The following FARS2 variants were observed in gnomAD, a reference collection of about 807,000 sequenced individuals.
FARS2 encodes the protein phenylalanine--tRNA ligase, mitochondrial.
Under a neutral mutation model 46.4 loss-of-function variants are expected in FARS2, and 40 were observed. That is an observed-to-expected ratio of 0.86 (90% CI 0.67 to 1.12). The LOEUF is 1.12. Ranked by LOEUF, FARS2 falls within the 50% of genes most tolerant of loss-of-function variation. The pLI is 0.00. For missense variants in FARS2, 513 were observed against 567.9 expected, an observed-to-expected ratio of 0.90 and a Z score of 0.98; for synonymous variants, 234 against 214.9, an observed-to-expected ratio of 1.09 and a Z score of -0.78.
intron 6 of FARS2, among the ~76,000 whole-genome samples, chr6:5,623,791 T>G (rs1775899305): frequency 6.6e-6 from 1 of 152,014 alleles, no homozygotes; most frequent in African/African-American, 2.4e-5. Flanking sequence ...CCAGTCTGGG[T>G]GTTCTCTGGG....
At chr6:5,748,511 A>G (rs1761764082) in intron 6 of FARS2, among the ~76,000 whole-genome samples, 3 of 152,244 alleles carry the variant, frequency 2.0e-5, no homozygotes, top group East Asian at 1.9e-4. Context: ...GCCACGGGCA[A>G]CAATCAGGGA....
chr6:5,360,092 A>G (rs1758204685), intron 1 of FARS2, among the ~76,000 whole-genome samples: 1 of 152,250 alleles, frequency 6.6e-6, no homozygotes, highest in South Asian at 2.1e-4. Context: ...GAAACTCAGG[A>G]AAAGGGTGTG....
At chr6:5,649,967 A>G (rs1777267013) in intron 6 of FARS2, among the ~76,000 whole-genome samples, 1 of 152,182 alleles carries the variant, frequency 6.6e-6, no homozygotes, top group South Asian at 2.1e-4. Context: ...TAGATTTCCT[A>G]CAGGTACTTT....
intron 3 of FARS2, 88 bp downstream of exon 3, chr6:5,404,789 A>G: frequency 1.3e-6 from 1 of 786,930 alleles, no homozygotes; most frequent in Non-Finnish European, 1.8e-6. Context: ...TTTTTTTTTC[A>G]TATTTTGAAA....
intron 4 of FARS2, among the ~76,000 whole-genome samples, chr6:5,541,146 A>G (rs767553833): frequency 2.0e-5 from 3 of 152,180 alleles, no homozygotes; most frequent in Non-Finnish European, 4.4e-5. Context: ...GGCATGTTCT[A>G]TATCATTTAA....
intron 1 of FARS2, among the ~76,000 whole-genome samples, chr6:5,301,496 T>C (rs766999532): frequency 6.0e-4 from 92 of 152,152 alleles, no homozygotes; most frequent in South Asian, 2.1e-4. Context: ...AAGTTCTCTT[T>C]CAAAGCCTAG....
intron 6 of FARS2, among the ~76,000 whole-genome samples, chr6:5,746,057 C>T (rs1761616076): frequency 6.6e-6 from 1 of 152,190 alleles, no homozygotes; most frequent in African/African-American, 2.4e-5. Context: ...TCTTTAGAGT[C>T]TTCAATTAAA....
chr6:5,526,554 C>T (rs191669863), intron 4 of FARS2, among the ~76,000 whole-genome samples: 1 of 152,234 alleles, frequency 6.6e-6, no homozygotes, highest in Admixed American at 6.5e-5. Context: ...TTTTGGAAAG[C>T]AATTTTTCTA....
chr6:5,455,192 C>T (rs1383364778), intron 4 of FARS2, among the ~76,000 whole-genome samples: 1 of 152,162 alleles, frequency 6.6e-6, no homozygotes, highest in Non-Finnish European at 1.5e-5. Flanking sequence ...TTATTTGTTT[C>T]TTACCCTGCA....
At chr6:5,460,227 GACTCTCAATACATTCACAT>G (rs1162751799) in intron 4 of FARS2, among the ~76,000 whole-genome samples, 2 of 152,122 alleles carry the variant, frequency 1.3e-5, no homozygotes, top group Non-Finnish European at 2.9e-5. Context: ...TGCCTGAACT[GACTCTCAATACATTCACAT>G]ACATCGCTCT....
chr6:5,674,016 C>T (rs1299003344), intron 6 of FARS2, among the ~76,000 whole-genome samples: 2 of 151,828 alleles, frequency 1.3e-5, no homozygotes, highest in Admixed American at 1.3e-4. Flanking sequence ...AGAATTCTTT[C>T]AGCCCAACCA....
At chr6:5,672,752 C>T (rs1778542906) in intron 6 of FARS2, among the ~76,000 whole-genome samples, 1 of 152,168 alleles carries the variant, frequency 6.6e-6, no homozygotes, top group African/African-American at 2.4e-5. Context: ...CTGGACCTGT[C>T]AGAATGAGGC....
intron 5 of FARS2, among the ~76,000 whole-genome samples, chr6:5,584,108 G>GACACACACACACACACACAC (rs143867485): frequency 0.049 from 6,038 of 122,766 alleles, 390 homozygotes; most frequent in East Asian, 0.13. Flanking sequence ...TTCTCTCTCT[G>GACACACACACACACACACAC]ACACACACAC....
intron 6 of FARS2, among the ~76,000 whole-genome samples, chr6:5,717,935 T>TATAGAGAGAGAGAGAGAGAGAGAG (rs546191530): frequency 5.2e-5 from 7 of 135,640 alleles, no homozygotes; most frequent in Admixed American, 1.4e-4. Flanking sequence ...TATATATATA[T>TATAGAGAGAGAGAGAGAGAGAGAG]ACAGAGTCTC....
At chr6:5,707,068 A>G (rs907755428) in intron 6 of FARS2, among the ~76,000 whole-genome samples, 10 of 152,206 alleles carry the variant, frequency 6.6e-5, no homozygotes, top group East Asian at 1.9e-4. Flanking sequence ...ACTCACTTCT[A>G]TTCTTCCATA....
intron 4 of FARS2, among the ~76,000 whole-genome samples, chr6:5,463,402 G>A (rs556416540): frequency 1.3e-5 from 2 of 152,244 alleles, no homozygotes; most frequent in Admixed American, 1.3e-4. Context: ...ACCTCACATT[G>A]TGTACCTTGG....
In FARS2 at chr6:5,505,374, A is replaced by G. The variant is rs191895540; in HGVS notation, c.905-39806A>G. 9.0e-4 allele frequency among the ~76,000 whole-genome samples: 137 copies of G among 152,180 alleles called. 1 individual carries two copies. The highest frequency in any genetic ancestry group is 3.2e-3 in the African/African-American group (132 of 41,508). ...ATTGAGTAGCTCCACTCCAACTTGG[A>G]CAGTTGTCTGTCTGGCAATGGTCCC... On this transcript the variant is annotated intron_variant, in intron 4 of 6. Coordinates refer to ENST00000274680, the MANE Select transcript of FARS2 (RefSeq NM_006567.5).
At chr6:5,583,591 C>T (rs1211403146) in intron 5 of FARS2, among the ~76,000 whole-genome samples, 1 of 151,226 alleles carries the variant, frequency 6.6e-6, no homozygotes, top group Non-Finnish European at 1.5e-5. Flanking sequence ...GTTTGTTTAA[C>T]AGATCCTTAA....
intron 2 of FARS2, among the ~76,000 whole-genome samples, chr6:5,394,922 C>T (rs1038610106): frequency 1.3e-5 from 2 of 152,072 alleles, no homozygotes; most frequent in South Asian, 2.1e-4. Flanking sequence ...GGATGATCTG[C>T]GTCTTTTGTA....
Sources: allele counts gnomAD v4.1 joint callset (sites outside exome capture counted in the v4.1 genomes callset), GRCh38; gene constraint gnomAD v4.1.1; transcripts MANE v1.5; gene names NCBI Gene and HGNC (gene_info 2026-07-23, HGNC 2026-07-21).